The following ZMIZ1 variants were observed in gnomAD, a reference collection of about 807,000 sequenced individuals.
ZMIZ1 encodes the protein zinc finger MIZ-type containing 1.
A neutral mutation model predicts 113.9 loss-of-function variants in ZMIZ1; 17 were observed. The observed-to-expected ratio is 0.15, with a 90% CI of 0.10 to 0.22. The LOEUF is 0.22. Ranked by LOEUF, ZMIZ1 falls within the 10% of genes least tolerant of loss-of-function variation. ZMIZ1 has a pLI of 1.00. For missense variants in ZMIZ1, 1,059 were observed against 1,477.8 expected (o/e 0.72, Z 4.65); for synonymous variants, 607 against 603.1 (o/e 1.01, Z -0.09).
intron 7 of ZMIZ1, among the ~76,000 whole-genome samples, chr10:79,265,116 C>T (rs778287706): frequency 1.1e-4 from 17 of 152,202 alleles, no homozygotes; most frequent in Non-Finnish European, 2.2e-4. Flanking sequence ...GTTCACACGC[C>T]TCGAGGCTCC....
At chr10:79,250,554 C>G (rs980945974) in intron 7 of ZMIZ1, among the ~76,000 whole-genome samples, 18 of 152,206 alleles carry the variant, frequency 1.2e-4, no homozygotes, top group African/African-American at 4.1e-4. Context: ...TCATTTCCCT[C>G]TTGGGGAATG....
In ZMIZ1 at chr10:79,140,701, C is replaced by T. The variant is rs140979920; in HGVS notation, c.-131+924C>T. The stretch of plus-strand genomic sequence containing the variant: ...CCACCCATTCCCCCCATCCACCCAT[C>T]TATTTACTCTTTAATTCACTCATCA... On this transcript the variant is annotated intron_variant, in intron 3 of 24. Transcript: ENST00000334512. Among the ~76,000 whole-genome samples the T allele has an allele frequency of 2.0e-5, 3 of 152,300 alleles. No homozygotes were observed. In the South Asian group the frequency reaches 6.2e-4, roughly 32 times the overall value.
At chr10:79,084,966 C>T (rs1225816808) in intron 1 of ZMIZ1, among the ~76,000 whole-genome samples, 1 of 152,110 alleles carries the variant, frequency 6.6e-6, no homozygotes, top group Non-Finnish European at 1.5e-5. Context: ...CCTGGGTCTC[C>T]TTTCTTCACC....
At chr10:79,166,109 T>C (rs936283039) in intron 4 of ZMIZ1, among the ~76,000 whole-genome samples, 1 of 151,994 alleles carries the variant, frequency 6.6e-6, no homozygotes, top group African/African-American at 2.4e-5. Flanking sequence ...CCTGCCCAGT[T>C]TTCCTGTCTT....
At chr10:79,137,738 C>T (rs1166832882) in intron 2 of ZMIZ1, among the ~76,000 whole-genome samples, 1 of 152,086 alleles carries the variant, frequency 6.6e-6, no homozygotes, top group Non-Finnish European at 1.5e-5. Context: ...TGTACTAGAC[C>T]CATCTCTCTC....
chr10:79,301,197 G>A lies in ZMIZ1; in HGVS notation c.2019+255G>A, dbSNP rs572619391. Among the ~76,000 whole-genome samples, 5 of 152,160 alleles carry A rather than the reference G, an allele frequency of 3.3e-5. No homozygotes were observed. The South Asian group carries it at 6.2e-4, about 19-fold the overall frequency. ...CTCTTCCCCTGGACACTCAGCCTCC[G>A]TCTGTTCTCCACACATGCTTCCGAT... On this transcript the variant is annotated intron_variant, in intron 17 of 24. Coordinates refer to ENST00000334512, the MANE Select transcript of ZMIZ1 (RefSeq NM_020338.4).
intron 4 of ZMIZ1, among the ~76,000 whole-genome samples, chr10:79,187,372 C>T (rs1211223148): frequency 2.6e-5 from 4 of 152,230 alleles, no homozygotes; most frequent in South Asian, 2.1e-4. Context: ...AGCCAAGTTC[C>T]GGTCCCAGCA....
At position 79,313,614 on chromosome 10, in the gene ZMIZ1, G is replaced by C; in HGVS notation, c.*865G>C. 4.2e-6 allele frequency: 1 copy of C among 238,556 alleles called. No homozygotes were observed. The highest frequency in any genetic ancestry group is 2.3e-5 in the African/African-American group (1 of 43,706). The allele number at this position is 238,556 out of a possible 1,614,324, so 14.8% of individuals were successfully genotyped here. ...GTTGGGGGGCGCGGGCATATAACCT[G>C]TCAGAAGCAAACAGGAGCGGCAACT... On this transcript the variant is annotated 3_prime_UTR_variant, in exon 25 of 25. Transcript: ENST00000334512.
At chr10:79,198,584 C>T (rs1405630732) in intron 4 of ZMIZ1, among the ~76,000 whole-genome samples, 1 of 152,136 alleles carries the variant, frequency 6.6e-6, no homozygotes, top group Non-Finnish European at 1.5e-5. Context: ...ACAACCCCCA[C>T]TTTCCCCTTC....
intron 7 of ZMIZ1, among the ~76,000 whole-genome samples, chr10:79,271,563 A>G (rs961023364): frequency 2.0e-5 from 3 of 152,230 alleles, no homozygotes; most frequent in Non-Finnish European, 2.9e-5. Flanking sequence ...GGGATTGGTG[A>G]GGGTCCTTGG....
intron 7 of ZMIZ1, among the ~76,000 whole-genome samples, chr10:79,259,904 G>A (rs536044374): frequency 3.9e-5 from 6 of 152,274 alleles, no homozygotes; most frequent in Admixed American, 2.0e-4. Context: ...AAGCCACCGC[G>A]CCCAGCCTTT....
At chr10:79,167,560 G>C (rs1279626459) in intron 4 of ZMIZ1, among the ~76,000 whole-genome samples, 1 of 152,148 alleles carries the variant, frequency 6.6e-6, no homozygotes, top group Non-Finnish European at 1.5e-5. Context: ...ACCATGGCTA[G>C]AACCCAGGCA....
chr10:79,086,327 G>T (rs758600672), intron 1 of ZMIZ1, among the ~76,000 whole-genome samples: 13 of 152,034 alleles, frequency 8.6e-5, no homozygotes, highest in Non-Finnish European at 1.8e-4. Context: ...TCCTCCTCCC[G>T]GTACCAGCTA....
chr10:79,250,915 G>A (rs570567089), intron 7 of ZMIZ1, among the ~76,000 whole-genome samples: 12 of 152,286 alleles, frequency 7.9e-5, no homozygotes, highest in African/African-American at 2.9e-4. Flanking sequence ...CCTTGGTGTC[G>A]GGATGGGTAC....
intron 1 of ZMIZ1, among the ~76,000 whole-genome samples, chr10:79,117,440 G>T (rs112888530): frequency 6.6e-6 from 1 of 152,182 alleles, no homozygotes; most frequent in African/African-American, 2.4e-5. Context: ...AGATTTACCC[G>T]TAGTGTTGTT....
At chr10:79,146,436 AC>A in intron 3 of ZMIZ1, among the ~76,000 whole-genome samples, 1 of 151,174 alleles carries the variant, frequency 6.6e-6, no homozygotes, top group South Asian at 2.1e-4. Flanking sequence ...ACCCTCCCTC[AC>A]CCCCTAGATG....
At chr10:79,229,783 AAC>A (rs148889491) in intron 7 of ZMIZ1, among the ~76,000 whole-genome samples, 2,165 of 152,056 alleles carry the variant, frequency 0.014, 48 homozygotes, top group African/African-American at 0.049. Context: ...ACAGACCCAC[AAC>A]ACAGAACCAC....
chr10:79,300,665 CG>C (rs1564598901), intron 16 of ZMIZ1, 66 bp from the exon 17 acceptor site: 1 of 1,515,376 alleles, frequency 6.6e-7, no homozygotes, highest in East Asian at 2.5e-5. Flanking sequence ...TGACCTGGCT[CG>C]GGGTCACGGA....
intron 4 of ZMIZ1, among the ~76,000 whole-genome samples, chr10:79,184,302 G>T (rs547586964): frequency 2.1e-4 from 32 of 152,182 alleles, no homozygotes; most frequent in Non-Finnish European, 4.4e-4. Context: ...CTCTCCCGAT[G>T]TGCACACACA....
Sources: gnomAD v4.1 joint callset for allele counts (sites outside exome capture counted in the v4.1 genomes callset) on GRCh38, gnomAD v4.1.1 for gene constraint, MANE v1.5 for transcripts, NCBI Gene and HGNC (gene_info 2026-07-23, HGNC 2026-07-21) for gene names.